Variants in PRMT3 observed in about 807,000 individuals in gnomAD.
PRMT3 encodes protein arginine N-methyltransferase 3.
In PRMT3, 62 loss-of-function variants were observed where a neutral mutation model predicts 71.9. The observed-to-expected ratio is 0.86, with a 90% CI of 0.70 to 1.07. The LOEUF (loss-of-function observed/expected upper bound fraction) is 1.07, where lower values mean the gene tolerates loss of function less well. PRMT3 is among the 50% of genes least tolerant of loss of function. The pLI, the probability that PRMT3 is intolerant of heterozygous loss-of-function variation, is 0.00. For synonymous variants in PRMT3, 213 were observed against 220.4 expected (o/e 0.97, Z 0.30); for missense variants, 663 against 643.0 (o/e 1.03, Z -0.34).
rs148892624 is a variant in PRMT3 at position 20,390,846 on chromosome 11, C to T, written c.247+1020C>T. The stretch of plus-strand genomic sequence containing the variant: ...CGGATGGATCACAAGGTCAGGAGAT[C>T]GAGACCATCCTGGCTAACCCAGTGA... On this transcript the variant is annotated intron_variant, in intron 3 of 15. Transcript: ENST00000331079. Among the ~76,000 whole-genome samples, 1,071 of 152,116 alleles carry T rather than the reference C, an allele frequency of 7.0e-3. 16 individuals carry two copies. The highest frequency in any genetic ancestry group is 0.024 in the African/African-American group (1,016 of 41,484).
At chr11:20,441,912 C>T (rs547139133) in intron 10 of PRMT3, among the ~76,000 whole-genome samples, 9 of 151,600 alleles carry the variant, frequency 5.9e-5, no homozygotes, top group Non-Finnish European at 1.2e-4. Context: ...CCTGCCTCAG[C>T]CTCCCTAGTA....
At chr11:20,407,764 C>A in intron 8 of PRMT3, 147 bp from the exon 9 acceptor site, 1 of 686,402 alleles carries the variant, frequency 1.5e-6, no homozygotes, top group Non-Finnish European at 2.2e-6. Flanking sequence ...CAAAGGATTA[C>A]AGGCGTGAGC....
At chr11:20,480,874 G>T (rs968755669) in intron 13 of PRMT3, among the ~76,000 whole-genome samples, 6 of 152,120 alleles carry the variant, frequency 3.9e-5, no homozygotes, top group African/African-American at 1.4e-4. Context: ...AGCAAATTTA[G>T]AGGTGAGGAT....
At chr11:20,400,954 C>A (rs1453504087) in intron 7 of PRMT3, among the ~76,000 whole-genome samples, 1 of 133,902 alleles carries the variant, frequency 7.5e-6, no homozygotes, top group Non-Finnish European at 1.6e-5. Flanking sequence ...TATTTGCTTG[C>A]GTTTTCGTAT....
At chr11:20,414,541 G>C (rs926008538) in intron 9 of PRMT3, among the ~76,000 whole-genome samples, 33 of 152,180 alleles carry the variant, frequency 2.2e-4, no homozygotes, top group African/African-American at 8.0e-4. Context: ...TCAGTTGCCA[G>C]ACAGTTGTAT....
intron 13 of PRMT3, among the ~76,000 whole-genome samples, chr11:20,474,187 A>G (rs1172191242): frequency 1.3e-5 from 2 of 152,050 alleles, no homozygotes; most frequent in Non-Finnish European, 2.9e-5. Context: ...CCGCTTAAAG[A>G]AGGAGTCTGG....
rs771251563 is a variant in PRMT3 at position 20,462,176 on chromosome 11, T to G, written c.1260+9T>G. On this transcript the variant is annotated intron_variant, in intron 12 of 15. Transcript: ENST00000331079. ...AACCTTGTGGTATTAAGGTAGGTGT[T>G]TTACCAACTTTATTTTTTATAATGG... 1.9e-6 allele frequency: 3 copies of G among 1,546,224 alleles called. No individual in the cohort carries two copies. The African/African-American group carries it at 4.1e-5, about 21-fold the overall frequency.
intron 7 of PRMT3, among the ~76,000 whole-genome samples, chr11:20,401,771 A>C (rs1484135262): frequency 4.6e-5 from 7 of 152,326 alleles, no homozygotes; most frequent in African/African-American, 1.7e-4. Context: ...CTAGGGAATC[A>C]ACTCTGTTCA....
chr11:20,395,350 A>T (rs1167676485), intron 5 of PRMT3, among the ~76,000 whole-genome samples: 2 of 151,370 alleles, frequency 1.3e-5, no homozygotes, highest in Non-Finnish European at 2.9e-5. Flanking sequence ...TATTATTATT[A>T]TTATTACTTT....
At chr11:20,409,972 A>G (rs1849160117) in intron 9 of PRMT3, among the ~76,000 whole-genome samples, 1 of 152,118 alleles carries the variant, frequency 6.6e-6, no homozygotes, top group African/African-American at 2.4e-5. Flanking sequence ...AGCTATTTCT[A>G]CTAGAATTTC....
intron 10 of PRMT3, among the ~76,000 whole-genome samples, chr11:20,440,494 A>AT (rs1203440100): frequency 1.6e-5 from 1 of 63,914 alleles, no homozygotes; most frequent in Non-Finnish European, 3.0e-5. Context: ...AAATACAAAA[A>AT]AAAAAAAAAA....
chr11:20,387,874 G>T lies in PRMT3; in HGVS notation c.28+100G>T, dbSNP rs542034153. On this transcript the variant is annotated intron_variant, in intron 1 of 15. Coordinates refer to ENST00000331079, the MANE Select transcript of PRMT3 (RefSeq NM_005788.4). This position sits in a 1 kb window ranked among gnomAD's most constrained non-coding sequence, Gnocchi z 4.3. ...TCCGGGACACGGGCCCGGGCAGGGT[G>T]GGGGGCTCGCAGGGATCATGAAGGA... The T allele has an allele frequency of 8.5e-6, 13 of 1,533,918 alleles. No homozygotes were observed. The highest frequency in any genetic ancestry group is 1.1e-5 in the Non-Finnish European group (13 of 1,139,012).
intron 15 of PRMT3, among the ~76,000 whole-genome samples, chr11:20,506,970 A>T (rs1236888074): frequency 6.6e-6 from 1 of 152,242 alleles, no homozygotes; most frequent in Non-Finnish European, 1.5e-5. Flanking sequence ...TCACTGTTTC[A>T]CATGGGTACA....
intron 9 of PRMT3, among the ~76,000 whole-genome samples, chr11:20,412,602 A>C (rs1193476543): frequency 2.6e-5 from 4 of 152,090 alleles, no homozygotes; most frequent in Non-Finnish European, 5.9e-5. Context: ...GGAGTATTTT[A>C]AAGTGAAACT....
At chr11:20,453,497 T>A (rs1850199947) in intron 11 of PRMT3, among the ~76,000 whole-genome samples, 2 of 148,080 alleles carry the variant, frequency 1.4e-5, no homozygotes, top group Admixed American at 6.8e-5. Context: ...AAAAAAAAAA[T>A]CAGTAAGGCC....
At chr11:20,507,455 GTAGT>G (rs56691254) in intron 15 of PRMT3, among the ~76,000 whole-genome samples, 106,736 of 151,696 alleles carry the variant, frequency 0.7, 38,944 homozygotes, top group Non-Finnish European at 0.81. Flanking sequence ...ACTGTGGTAT[GTAGT>G]TAGTTCTCGC....
At chr11:20,451,591 A>G (rs1850150319) in intron 10 of PRMT3, among the ~76,000 whole-genome samples, 1 of 151,894 alleles carries the variant, frequency 6.6e-6, no homozygotes, top group Non-Finnish European at 1.5e-5. Flanking sequence ...TGCTATTGAC[A>G]TTTTGGGCCA....
intron 15 of PRMT3, among the ~76,000 whole-genome samples, chr11:20,499,894 A>T (rs985216238): frequency 2.6e-5 from 4 of 152,148 alleles, no homozygotes; most frequent in African/African-American, 9.7e-5. Context: ...ATTCTATCCA[A>T]TTTTTCCCGC....
chr11:20,404,218 T>TTTTG, intron 8 of PRMT3, among the ~76,000 whole-genome samples: 1 of 4,670 alleles, frequency 2.1e-4, no homozygotes, highest in African/African-American at 4.1e-4. Context: ...ATAGTTTTTT[T>TTTTG]TTTTTTTTTT....
Sources: allele counts gnomAD v4.1 joint callset (sites outside exome capture counted in the v4.1 genomes callset), GRCh38; gene constraint gnomAD v4.1.1; non-coding constraint Gnocchi (gnomAD v3.1); transcripts MANE v1.5; gene names NCBI Gene and HGNC (gene_info 2026-07-23, HGNC 2026-07-21).